The following MASTL variants were observed in gnomAD, a reference collection of about 807,000 sequenced individuals.
MASTL encodes the protein microtubule associated serine/threonine kinase like, also known as serine/threonine-protein kinase greatwall.
A neutral mutation model predicts 82.5 loss-of-function variants in MASTL; 54 were observed. That is an observed-to-expected ratio of 0.65 (90% CI 0.53 to 0.82). MASTL has a LOEUF of 0.82. Ranked by LOEUF, MASTL falls within the 40% of genes least tolerant of loss-of-function variation. The probability of loss-of-function intolerance (pLI) is 0.00; values close to 1 mark genes in which losing one functional copy is unlikely to be tolerated. For synonymous variants in MASTL, 323 were observed against 368.9 expected, an observed-to-expected ratio of 0.88 and a Z score of 1.43; for missense variants, 950 against 1,047.8, an observed-to-expected ratio of 0.91 and a Z score of 1.29.
intron 11 of MASTL, among the ~76,000 whole-genome samples, chr10:27,185,696 G>A (rs1393832090): frequency 1.3e-5 from 2 of 150,864 alleles, no homozygotes; most frequent in African/African-American, 2.4e-5. Flanking sequence ...GCTGAGGCAC[G>A]AGAACCACTC....
intron 9 of MASTL, among the ~76,000 whole-genome samples, chr10:27,176,022 G>A (rs1026397136): frequency 5.3e-5 from 8 of 151,776 alleles, no homozygotes; most frequent in Non-Finnish European, 1.0e-4. Context: ...GCTTGAACCC[G>A]GGAGGCGGAG....
At chr10:27,154,500 G>A, upstream of MASTL, 2 of 538,164 alleles carry the variant, frequency 3.7e-6, no homozygotes, top group South Asian at 2.5e-5. Flanking sequence ...TTTACAAGGA[G>A]CAGCGCCCCC....
intron 4 of MASTL, among the ~76,000 whole-genome samples, chr10:27,161,397 A>G (rs1030827451): frequency 6.6e-6 from 1 of 152,070 alleles, no homozygotes; most frequent in Non-Finnish European, 1.5e-5. Flanking sequence ...AATCCCAGCT[A>G]CTAAGGAGGC....
intron 1 of MASTL, among the ~76,000 whole-genome samples, chr10:27,157,850 T>G (rs1391950122): frequency 1.3e-5 from 2 of 151,790 alleles, no homozygotes; most frequent in Non-Finnish European, 2.9e-5. Flanking sequence ...TCTATCCCCA[T>G]CTATCAAAAA....
chr10:27,156,157 A>T (rs1002652001), intron 1 of MASTL, among the ~76,000 whole-genome samples: 1 of 152,098 alleles, frequency 6.6e-6, no homozygotes, highest in Non-Finnish European at 1.5e-5. Context: ...AGCGCCCGTC[A>T]CCACGCCCGG....
chr10:27,168,572 TTTGAGAGGCTAAAGTGGGTAGATC>T (rs2057812591), intron 7 of MASTL, among the ~76,000 whole-genome samples: 1 of 152,192 alleles, frequency 6.6e-6, no homozygotes, highest in Non-Finnish European at 1.5e-5. Context: ...ATCCCAGCAC[TTTGAGAGGCTAAAGTGGGTAGATC>T]ACCTGAGGTC....
intron 11 of MASTL, among the ~76,000 whole-genome samples, chr10:27,184,610 G>T (rs1366229032): frequency 2.1e-5 from 3 of 143,198 alleles, no homozygotes; most frequent in Non-Finnish European, 4.5e-5. Flanking sequence ...GCCCAGGCTG[G>T]AGTGCAGTGG....
chr10:27,162,985 C>T (rs1198047324), intron 4 of MASTL, among the ~76,000 whole-genome samples: 9 of 151,954 alleles, frequency 5.9e-5, no homozygotes, highest in Admixed American at 2.0e-4. Flanking sequence ...GGCGTGATCT[C>T]GGCTCACTAC....
Position 27,175,979 on chromosome 10 carries a change from C to G in MASTL, c.2266+2720C>G, listed in dbSNP as rs113756791. Among the ~76,000 whole-genome samples, 819 of 152,116 alleles carry G rather than the reference C, an allele frequency of 5.4e-3. 10 individuals carry two copies. Among genetic ancestry groups the G allele is most frequent in the African/African-American group, 0.019 (774 of 41,490 alleles). Reference sequence around the variant, plus strand: ...AGGCGTGGTGGTGTGCATCTGTAATCCCAGCTACTCAGGAGGCTGAGACAG... The same window carrying G: ...AGGCGTGGTGGTGTGCATCTGTAATGCCAGCTACTCAGGAGGCTGAGACAG... On this transcript the variant is annotated intron_variant, in intron 9 of 11. Coordinates refer to ENST00000375940, the MANE Select transcript of MASTL (RefSeq NM_001172303.3).
Position 27,172,126 on chromosome 10 carries a change from G to A in MASTL, c.2125-992G>A, listed in dbSNP as rs192607678. Among the ~76,000 whole-genome samples the A allele has an allele frequency of 1.8e-3, 268 of 151,976 alleles. 1 individual carries two copies. The highest frequency in any genetic ancestry group is 6.0e-3 in the African/African-American group (248 of 41,478). On this transcript the variant is annotated intron_variant, in intron 8 of 11. Coordinates refer to ENST00000375940, the MANE Select transcript of MASTL (RefSeq NM_001172303.3). ...ACGGGCATGAGCCACCATGCCCAGC[G>A]AAAAATATATATTTCAAAGCTTACT... is the stretch of plus-strand genomic sequence containing the variant.
At chr10:27,175,647 A>G (rs1388648433) in intron 9 of MASTL, among the ~76,000 whole-genome samples, 2 of 152,190 alleles carry the variant, frequency 1.3e-5, no homozygotes, top group East Asian at 3.9e-4. Context: ...CACGTGCTCC[A>G]TGTTCATCTC....
rs775471642 is a variant in MASTL at position 27,170,022 on chromosome 10, A to G, written c.1063A>G (p.Ile355Val). 4.3e-6 allele frequency: 7 copies of G among 1,614,098 alleles called. No individual in the cohort carries two copies. The South Asian group carries it at 4.4e-5, about 10-fold the overall frequency. ...EKLCAKSANA[I>V]ETKGFNKKDL... The stretch of plus-strand genomic sequence containing the variant: ...GTTATGCGCAAAATCTGCAAATGCC[A>G]TTGAGACGAAAGGTTTCAATAAAAA... The change falls in exon 8 of 12, where the codon ATT (isoleucine) becomes GTT (valine). Residue 355 changes from isoleucine (I) to valine (V), a missense_variant. Ile to Val is a conservative substitution (Grantham distance 29). Coordinates refer to ENST00000375940, the MANE Select transcript of MASTL (RefSeq NM_001172303.3).
In MASTL at chr10:27,170,220, C is replaced by T. The variant is rs1158544002; in HGVS notation, c.1261C>T (p.His421Tyr). The change falls in exon 8 of 12, where the codon CAT becomes TAT. Residue 421 changes from histidine to tyrosine, a missense_variant. By Grantham distance (83) the His-to-Tyr change is moderately conservative. Coordinates refer to ENST00000375940, the MANE Select transcript of MASTL (RefSeq NM_001172303.3). ...CACTGACACAAGTCAGTTAGGTTTC[C>T]ATCAGTCAAATCAGTGGGCTGTGGA... ...MDTDTSQLGF[H>Y]QSNQWAVDSG... is the part of the protein sequence containing the mutation. The T allele has an allele frequency of 6.2e-7, 1 of 1,613,940 alleles. No homozygotes were observed. The highest frequency in any genetic ancestry group is 2.2e-5 in the East Asian group (1 of 44,892).
rs1271715439 is a variant in MASTL, at chr10:27,170,383, A to G, written c.1424A>G (p.Asn475Ser). The change falls in exon 8 of 12, where the codon AAT becomes AGT. Residue 475 changes from asparagine (N) to serine (S), a missense_variant. Physicochemically the swap from Asn to Ser is conservative, Grantham distance 46 (BLOSUM62 1). Coordinates refer to ENST00000375940, the MANE Select transcript of MASTL (RefSeq NM_001172303.3). ...GAGTATAAGCATAACGAAATGACAA[A>G]TTGTTATACAAATCAAAATACAGGC... The part of the protein sequence containing the change: ...CVEYKHNEMT[N>S]CYTNQNTGLT... The G allele has an allele frequency of 2.5e-6, 4 of 1,614,004 alleles. No homozygotes were observed. The East Asian group carries it at 8.9e-5, about 36-fold the overall frequency.
chr10:27,156,458 G>T (rs969698672), intron 1 of MASTL, among the ~76,000 whole-genome samples: 1 of 152,274 alleles, frequency 6.6e-6, no homozygotes, highest in Admixed American at 6.5e-5. Flanking sequence ...AACTTTTTAA[G>T]TTTTATTCTT....
At position 27,170,504 on chromosome 10, in the gene MASTL, T is replaced by C. The variant is rs1564493782; in HGVS notation, c.1545T>C (p.Asp515=). The C allele has an allele frequency of 6.2e-7, 1 of 1,614,006 alleles. No homozygotes were observed. Among genetic ancestry groups the C allele is most frequent in the East Asian group, 2.2e-5 (1 of 44,856 alleles). ...AGAACATTGTCAATTCTTTTACTGA[T>C]AAACAACAAACACCAGAAAAATTAC... The part of the protein sequence containing the change: ...NKENIVNSFT[D]KQQTPEKLPI... The change falls in exon 8 of 12, where the codon GAT becomes GAC. Residue 515 remains aspartate (D), a synonymous_variant. Transcript: ENST00000375940.
chr10:27,156,284 A>G (rs1339797210), intron 1 of MASTL, among the ~76,000 whole-genome samples: 2 of 152,124 alleles, frequency 1.3e-5, no homozygotes, highest in Non-Finnish European at 2.9e-5. Flanking sequence ...TCGGCCTCCC[A>G]AAGTGCTGGG....
intron 9 of MASTL, among the ~76,000 whole-genome samples, chr10:27,178,070 T>C (rs1055587842): frequency 2.0e-5 from 3 of 152,110 alleles, no homozygotes; most frequent in African/African-American, 7.2e-5. Context: ...GTCTTTTTTA[T>C]TATAACAGAA....
upstream of MASTL, chr10:27,155,280 T>C: frequency 6.9e-6 from 5 of 728,498 alleles, no homozygotes; most frequent in Non-Finnish European, 1.1e-5. Flanking sequence ...CGCGTCTGCG[T>C]AGGGGAGGTG....
Sources: allele counts gnomAD v4.1 joint callset (sites outside exome capture counted in the v4.1 genomes callset), GRCh38; gene constraint gnomAD v4.1.1; transcripts MANE v1.5; gene names NCBI Gene and HGNC (gene_info 2026-07-23, HGNC 2026-07-21).